The following FSTL4 variants were observed in gnomAD, a reference collection of about 807,000 sequenced individuals.
FSTL4 encodes follistatin-related protein 4.
FSTL4 carries 28 observed loss-of-function variants against 78.2 expected under a neutral mutation model. The ratio of observed to expected loss-of-function variants is 0.36; its 90% CI spans 0.27 to 0.49. FSTL4 has a LOEUF of 0.49. Ranked by LOEUF, FSTL4 falls within the 20% of genes least tolerant of loss-of-function variation. The probability of loss-of-function intolerance (pLI) is 0.98; values close to 1 mark genes in which losing one functional copy is unlikely to be tolerated. For missense variants in FSTL4, 922 were observed against 1,084.9 expected (o/e 0.85, Z 2.11); for synonymous variants, 422 against 440.5 (o/e 0.96, Z 0.53).
the FSTL4 span, among the ~76,000 whole-genome samples, chr5:133,825,968 T>A: frequency 6.6e-6 from 1 of 152,224 alleles, no homozygotes; most frequent in Admixed American, 6.5e-5. Context: ...CGCCTGCCGG[T>A]GAGGCTGCAG....
intron 4 of FSTL4, among the ~76,000 whole-genome samples, chr5:133,385,747 T>C (rs77254266): frequency 0.016 from 2,417 of 152,272 alleles, 24 homozygotes; most frequent in Non-Finnish European, 0.025. Flanking sequence ...TGTGGCATAG[T>C]AGAAGGAACA....
chr5:133,594,986 T>C (rs541413173), intron 2 of FSTL4, among the ~76,000 whole-genome samples: 2 of 152,348 alleles, frequency 1.3e-5, no homozygotes, highest in South Asian at 2.1e-4. Flanking sequence ...GGCAACCACC[T>C]ACCCCGGAGC....
the FSTL4 span, among the ~76,000 whole-genome samples, chr5:133,670,963 C>T: frequency 6.6e-6 from 1 of 152,176 alleles, no homozygotes; most frequent in African/African-American, 2.4e-5. Context: ...TCCTTTGAAT[C>T]TGGGCTGACT....
At chr5:133,470,742 C>A (rs1757805268) in intron 3 of FSTL4, among the ~76,000 whole-genome samples, 1 of 93,718 alleles carries the variant, frequency 1.1e-5, no homozygotes, top group Admixed American at 1.2e-4. Flanking sequence ...TGAAACTCTG[C>A]CTCAAAAATA....
the FSTL4 span, among the ~76,000 whole-genome samples, chr5:133,658,653 C>T: frequency 4.6e-4 from 70 of 152,012 alleles, 1 homozygote; most frequent in African/African-American, 1.5e-3. Flanking sequence ...TTCTTATTTA[C>T]GTTTTTCTTG....
At position 133,262,010 on chromosome 5, in the gene FSTL4, G is replaced by C. The variant is rs371637665; in HGVS notation, c.728-12434C>G. ...ACCTAGTCTCAAAAAAAAAAAAAAA[G>C]TGACAGAATAGACTCTTTGTGGTAA... is the stretch of plus-strand genomic sequence containing the variant. On this transcript the variant is annotated intron_variant, in intron 6 of 15. Coordinates refer to ENST00000265342, the MANE Select transcript of FSTL4 (RefSeq NM_015082.2). Among the ~76,000 whole-genome samples the C allele has an allele frequency of 2.2e-3, 330 of 149,200 alleles. 2 individuals are homozygous for C. Among genetic ancestry groups the C allele is most frequent in the South Asian group, 0.019 (90 of 4,684 alleles).
chr5:133,722,850 C>T, the FSTL4 span, among the ~76,000 whole-genome samples: 2 of 152,294 alleles, frequency 1.3e-5, no homozygotes, highest in East Asian at 3.9e-4. Flanking sequence ...CTCCTTGCAA[C>T]TTCTTCAGTT....
the FSTL4 span, among the ~76,000 whole-genome samples, chr5:133,778,855 C>T: frequency 4.0e-4 from 61 of 152,364 alleles, 1 homozygote; most frequent in African/African-American, 1.4e-3. Flanking sequence ...TCCCACATAA[C>T]TCCTCTCACA....
intron 6 of FSTL4, among the ~76,000 whole-genome samples, chr5:133,297,475 G>T (rs961342179): frequency 2.6e-5 from 4 of 152,200 alleles, no homozygotes; most frequent in East Asian, 1.9e-4. Flanking sequence ...CTGGGTAACC[G>T]CAGGCAATGA....
intron 6 of FSTL4, among the ~76,000 whole-genome samples, chr5:133,263,154 G>T (rs1439333689): frequency 6.6e-6 from 1 of 152,172 alleles, no homozygotes; most frequent in Non-Finnish European, 1.5e-5. Context: ...TCCATTTGCT[G>T]AGAGGCTGAG....
At chr5:133,682,666 T>C in the FSTL4 span, among the ~76,000 whole-genome samples, 1 of 152,222 alleles carries the variant, frequency 6.6e-6, no homozygotes, top group Non-Finnish European at 1.5e-5. Context: ...TGAATGGCTA[T>C]GGCCACAGAG....
At chr5:133,830,868 G>A in the FSTL4 span, among the ~76,000 whole-genome samples, 1 of 152,294 alleles carries the variant, frequency 6.6e-6, no homozygotes, top group South Asian at 2.1e-4. Context: ...AACTCAGAGA[G>A]ACGGTCTCTG....
Position 133,611,791 on chromosome 5 carries a change from G to A in FSTL4, c.-11+534C>T, listed in dbSNP as rs1463426244. ...CGCAGCGGGCCCTTTGGGCTGCAGC[G>A]AGGAGACGCAAGTTTCCCCGCAAAG... On this transcript the variant is annotated intron_variant, in intron 1 of 15. Coordinates refer to ENST00000265342, the MANE Select transcript of FSTL4 (RefSeq NM_015082.2). This position sits in a 1 kb window ranked among gnomAD's most constrained non-coding sequence, Gnocchi z 4.9. 2.0e-5 allele frequency among the ~76,000 whole-genome samples: 3 copies of A among 152,162 alleles called. No homozygotes were observed. The highest frequency in any genetic ancestry group is 1.9e-4 in the East Asian group (1 of 5,144).
At chr5:133,488,682 AT>A (rs1284229508) in intron 3 of FSTL4, among the ~76,000 whole-genome samples, 1 of 152,212 alleles carries the variant, frequency 6.6e-6, no homozygotes, top group Admixed American at 6.5e-5. Flanking sequence ...TTGGAAGTAA[AT>A]TCCCAAACCA....
At chr5:133,467,008 G>T (rs1757724282) in intron 3 of FSTL4, among the ~76,000 whole-genome samples, 1 of 151,910 alleles carries the variant, frequency 6.6e-6, no homozygotes, top group African/African-American at 2.4e-5. Flanking sequence ...CAGTGTATGA[G>T]TGTGTGAGCA....
chr5:133,411,827 A>G (rs1756482209), intron 3 of FSTL4, among the ~76,000 whole-genome samples: 1 of 152,214 alleles, frequency 6.6e-6, no homozygotes, highest in Non-Finnish European at 1.5e-5. Flanking sequence ...GACTCCAGTG[A>G]AAAAATATTA....
intron 4 of FSTL4, among the ~76,000 whole-genome samples, chr5:133,346,449 A>G (rs1754699897): frequency 6.6e-6 from 1 of 152,232 alleles, no homozygotes; most frequent in African/African-American, 2.4e-5. Flanking sequence ...TGTGAAGGCA[A>G]TTACCTCACT....
At chr5:133,318,547 T>C (rs1472074318) in intron 4 of FSTL4, among the ~76,000 whole-genome samples, 1 of 152,202 alleles carries the variant, frequency 6.6e-6, no homozygotes, top group Non-Finnish European at 1.5e-5. Flanking sequence ...GAGATGGATG[T>C]GTGCCTGTGT....
intron 3 of FSTL4, among the ~76,000 whole-genome samples, chr5:133,513,901 G>A (rs548518163): frequency 3.1e-4 from 47 of 152,256 alleles, no homozygotes; most frequent in African/African-American, 1.1e-3. Flanking sequence ...TGTCGGGGCC[G>A]GGCGCGGTGG....
Sources: allele counts gnomAD v4.1 joint callset (sites outside exome capture counted in the v4.1 genomes callset), GRCh38; gene constraint gnomAD v4.1.1; non-coding constraint Gnocchi (gnomAD v3.1); transcripts MANE v1.5; gene names NCBI Gene and HGNC (gene_info 2026-07-23, HGNC 2026-07-21).